Variants in SMYD3 observed in about 807,000 individuals in gnomAD.
SMYD3 encodes the protein histone-lysine N-methyltransferase SMYD3.
A neutral mutation model predicts 57.7 loss-of-function variants in SMYD3; 36 were observed. The observed-to-expected ratio is 0.62, with a 90% confidence interval of 0.48 to 0.82. SMYD3 has a LOEUF of 0.82. SMYD3 is among the 40% of genes least tolerant of loss of function. The probability of loss-of-function intolerance (pLI) is 0.00; values close to 1 mark genes in which losing one functional copy is unlikely to be tolerated. For missense variants in SMYD3, 515 were observed against 538.8 expected (o/e 0.96, Z 0.44); for synonymous variants, 211 against 195.0 (o/e 1.08, Z -0.68).
At chr1:246,378,767 A>T (rs1486657928) in intron 1 of SMYD3, among the ~76,000 whole-genome samples, 2 of 118,292 alleles carry the variant, frequency 1.7e-5, no homozygotes, top group Admixed American at 1.1e-4. Context: ...TTAATATATT[A>T]TATATAATTT....
At chr1:245,796,288 TA>T (rs2047518225) in intron 10 of SMYD3, among the ~76,000 whole-genome samples, 16 of 152,260 alleles carry the variant, frequency 1.1e-4, no homozygotes, top group Non-Finnish European at 1.9e-4. Context: ...AATAAAACCT[TA>T]TTGGGACGAA....
intron 1 of SMYD3, among the ~76,000 whole-genome samples, chr1:246,482,994 G>A (rs1572044902): frequency 6.6e-6 from 1 of 152,162 alleles, no homozygotes; most frequent in Non-Finnish European, 1.5e-5. Flanking sequence ...TTCTGACTTA[G>A]ACCATATGTC....
At chr1:245,943,440 A>C (rs532864826) in intron 5 of SMYD3, among the ~76,000 whole-genome samples, 7 of 152,320 alleles carry the variant, frequency 4.6e-5, no homozygotes, top group African/African-American at 1.4e-4. Flanking sequence ...TAAAGCAGGA[A>C]GAAGTAGAAT....
intron 5 of SMYD3, among the ~76,000 whole-genome samples, chr1:245,945,656 T>A (rs2057406136): frequency 6.6e-6 from 1 of 152,196 alleles, no homozygotes; most frequent in African/African-American, 2.4e-5. Context: ...ACTACAAAGA[T>A]ACATGCATGT....
chr1:246,468,624 G>A (rs772013541), intron 1 of SMYD3, among the ~76,000 whole-genome samples: 1 of 151,984 alleles, frequency 6.6e-6, no homozygotes, highest in Non-Finnish European at 1.5e-5. Flanking sequence ...CTGGGTGACA[G>A]AGTGAGACTC....
intron 5 of SMYD3, among the ~76,000 whole-genome samples, chr1:246,215,027 T>C (rs2063143613): frequency 6.6e-6 from 1 of 152,160 alleles, no homozygotes; most frequent in East Asian, 1.9e-4. Context: ...GAGCTTTCTA[T>C]TTTTGTTCAT....
chr1:246,072,770 A>T (rs1047806402), intron 5 of SMYD3, among the ~76,000 whole-genome samples: 7 of 151,402 alleles, frequency 4.6e-5, no homozygotes, highest in African/African-American at 1.7e-4. Context: ...ACAAACACAG[A>T]TGGTAAACTG....
chr1:245,957,533 C>T (rs1316344895), intron 5 of SMYD3, among the ~76,000 whole-genome samples: 1 of 152,238 alleles, frequency 6.6e-6, no homozygotes, highest in Admixed American at 6.5e-5. Context: ...ACTAAAATAA[C>T]TCAACTCTTT....
At chr1:245,789,576 T>A (rs2047181476) in intron 10 of SMYD3, among the ~76,000 whole-genome samples, 1 of 152,240 alleles carries the variant, frequency 6.6e-6, no homozygotes, top group African/African-American at 2.4e-5. Flanking sequence ...TTTATTTATA[T>A]TTAAGTACAA....
intron 1 of SMYD3, among the ~76,000 whole-genome samples, chr1:246,492,298 T>A (rs533276675): frequency 2.5e-4 from 38 of 152,182 alleles, no homozygotes; most frequent in Non-Finnish European, 5.1e-4. Context: ...AAGGCTCTGA[T>A]TCGATCAGTA....
chr1:245,965,595 C>A (rs1051640226), intron 5 of SMYD3, among the ~76,000 whole-genome samples: 5 of 152,048 alleles, frequency 3.3e-5, no homozygotes, highest in Non-Finnish European at 7.3e-5. Flanking sequence ...CATGGTAGAA[C>A]CTTAAATGCA....
intron 1 of SMYD3, among the ~76,000 whole-genome samples, chr1:246,366,558 C>A (rs1336773849): frequency 6.8e-6 from 1 of 147,030 alleles, no homozygotes. Context: ...TACGAGAAAA[C>A]CTTCTTTTTC....
intron 5 of SMYD3, among the ~76,000 whole-genome samples, chr1:245,944,782 C>CA (rs1237972594): frequency 1.3e-5 from 2 of 152,046 alleles, no homozygotes; most frequent in African/African-American, 4.8e-5. Flanking sequence ...GGTACTGGTA[C>CA]AAAAACAGAC....
rs531994798 is a variant in SMYD3, at chr1:246,398,853, T to C, written c.165-43759A>G. Among the ~76,000 whole-genome samples the C allele has an allele frequency of 1.1e-4, 16 of 152,294 alleles. No individual in the cohort carries two copies. The South Asian group carries it at 3.3e-3, about 32-fold the overall frequency. On this transcript the variant is annotated intron_variant, in intron 1 of 11. Coordinates refer to ENST00000490107, the MANE Select transcript of SMYD3 (RefSeq NM_001167740.2). ...AGTGATGAGTCTGACAAGAGCTATA[T>C]AAAATAGACAGTATCAAACAACATC... is the stretch of plus-strand genomic sequence containing the variant.
intron 5 of SMYD3, among the ~76,000 whole-genome samples, chr1:246,321,140 T>C (rs967468585): frequency 6.6e-6 from 1 of 152,192 alleles, no homozygotes; most frequent in African/African-American, 2.4e-5. Context: ...AAACAGGTAA[T>C]TCTCAGGATC....
chr1:246,316,361 GTT>G (rs746235263), intron 5 of SMYD3, among the ~76,000 whole-genome samples: 5 of 133,408 alleles, frequency 3.7e-5, no homozygotes, highest in Admixed American at 7.5e-5. Context: ...GTCTTCATGG[GTT>G]TTTTTTTTTT....
intron 10 of SMYD3, among the ~76,000 whole-genome samples, chr1:245,849,948 C>T (rs530785572): frequency 2.8e-5 from 4 of 143,452 alleles, no homozygotes; most frequent in Admixed American, 7.4e-5. Context: ...CCACTGTGTC[C>T]GGCCTATTCA....
chr1:246,221,443 C>T (rs12024878), intron 5 of SMYD3, among the ~76,000 whole-genome samples: 26,985 of 152,140 alleles, frequency 0.18, 2,763 homozygotes, highest in East Asian at 0.34. Flanking sequence ...GCCCCTTGCT[C>T]GCCACGTTGT....
intron 10 of SMYD3, among the ~76,000 whole-genome samples, chr1:245,806,899 A>G (rs1289606961): frequency 7.4e-6 from 1 of 135,114 alleles, no homozygotes; most frequent in African/African-American, 2.8e-5. Flanking sequence ...CCTGGGCGAC[A>G]GAGCGAGACT....
Sources: allele counts gnomAD v4.1 joint callset (sites outside exome capture counted in the v4.1 genomes callset), GRCh38; gene constraint gnomAD v4.1.1; transcripts MANE v1.5; gene names NCBI Gene and HGNC (gene_info 2026-07-23, HGNC 2026-07-21).